The following SLC25A24 variants were observed in gnomAD, a reference collection of about 807,000 sequenced individuals.
SLC25A24 encodes the protein solute carrier family 25 member 24, also known as mitochondrial adenyl nucleotide antiporter SLC25A24.
Under a neutral mutation model 60.7 loss-of-function variants are expected in SLC25A24, and 49 were observed. The observed-to-expected ratio is 0.81, with a 90% CI of 0.64 to 1.02. SLC25A24 has a LOEUF of 1.02. Ranked by LOEUF, SLC25A24 falls within the 50% of genes least tolerant of loss-of-function variation. SLC25A24 has a pLI of 0.00. For missense variants in SLC25A24, 564 were observed against 586.3 expected (o/e 0.96, Z 0.39); for synonymous variants, 202 against 200.6 (o/e 1.01, Z -0.06).
intron 6 of SLC25A24, among the ~76,000 whole-genome samples, chr1:108,152,459 C>G (rs915897693): frequency 2.0e-5 from 3 of 152,108 alleles, no homozygotes; most frequent in Non-Finnish European, 2.9e-5. Context: ...CTCTGCCTCT[C>G]GAGCTCAAGT....
rs576768474 is a variant in SLC25A24 at position 108,168,213 on chromosome 1, T to C, written c.399-6920A>G. 6.6e-5 allele frequency among the ~76,000 whole-genome samples: 10 copies of C among 152,334 alleles called. No individual in the cohort carries two copies. The South Asian group carries it at 2.1e-3, about 32-fold the overall frequency. ...TTTATTTTGACTTGCATATGGGAAA[T>C]TACACTTAAACTTTCATTTGTCCCA... On this transcript the variant is annotated intron_variant, in intron 3 of 9. Coordinates refer to ENST00000565488, the MANE Select transcript of SLC25A24 (RefSeq NM_013386.5).
chr1:108,151,172 G>T (rs887767847), intron 6 of SLC25A24, among the ~76,000 whole-genome samples: 1 of 152,056 alleles, frequency 6.6e-6, no homozygotes, highest in African/African-American at 2.4e-5. Flanking sequence ...CTTTACTCCA[G>T]CCTGGGTGAT....
chr1:108,143,611 A>T lies in SLC25A24; in HGVS notation c.1030T>A (p.Tyr344Asn), dbSNP rs1255263752. 1.2e-6 allele frequency: 2 copies of T among 1,613,638 alleles called. No homozygotes were observed. Among genetic ancestry groups the T allele is most frequent in the Non-Finnish European group, 1.7e-6 (2 of 1,179,694 alleles). Residue 344 changes from tyrosine (Y) to asparagine (N), a missense_variant, in exon 8 of 10, where the codon TAC becomes AAC. Tyr to Asn is a moderately radical substitution (Grantham distance 143, BLOSUM62 -2). Coordinates refer to ENST00000565488, the MANE Select transcript of SLC25A24 (RefSeq NM_013386.5). ...AATAAATTGGGAACATAGCCTTTGT[A>T]AAAAGCTCCCAAGCCTTCATGTTTC... ...ILKHEGLGAF[Y>N]KGYVPNLLGI...
chr1:108,162,040 T>C (rs1285227647), intron 3 of SLC25A24, among the ~76,000 whole-genome samples: 1 of 150,078 alleles, frequency 6.7e-6, no homozygotes, highest in Non-Finnish European at 1.5e-5. Context: ...AGTGAGAATA[T>C]GCGGTGTTTG....
chr1:108,168,214 T>A (rs1647282737), intron 3 of SLC25A24, among the ~76,000 whole-genome samples: 1 of 152,242 alleles, frequency 6.6e-6, no homozygotes, highest in Admixed American at 6.5e-5. Context: ...TATGGGAAAT[T>A]ACACTTAAAC....
At chr1:108,139,027 T>G (rs755123378) in intron 9 of SLC25A24, 31 bp downstream of exon 9, 1 of 1,516,628 alleles carries the variant, frequency 6.6e-7, no homozygotes, top group South Asian at 1.3e-5. Context: ...GCAGCACTTT[T>G]ATCGGTGTGG....
chr1:108,200,122 C>T lies in SLC25A24; in HGVS notation c.17G>A (p.Arg6Gln). The T allele has an allele frequency of 1.9e-6, 3 of 1,556,428 alleles. No individual in the cohort carries two copies. The highest frequency in any genetic ancestry group is 1.2e-5 in the South Asian group (1 of 84,786). MLRWL[R>Q]DFVLPTAACQ... ...GGCCGCGGTGGGCAGCACGAAGTCC[C>T]GCAGCCAGCGCAACATGGTCCCAGA... The change falls in exon 1 of 10, where the codon CGG becomes CAG. Residue 6 changes from arginine to glutamine, a missense_variant. Transcript: ENST00000565488.
intron 8 of SLC25A24, among the ~76,000 whole-genome samples, chr1:108,141,771 AT>A (rs1332462541): frequency 1.3e-5 from 2 of 152,236 alleles, no homozygotes; most frequent in African/African-American, 4.8e-5. Flanking sequence ...GGAAAGAGAA[AT>A]ACCACATGAT....
At chr1:108,180,617 TCTCTCTCTC>T (rs1474890339) in intron 3 of SLC25A24, among the ~76,000 whole-genome samples, 21 of 7,500 alleles carry the variant, frequency 2.8e-3, no homozygotes, top group Non-Finnish European at 5.7e-3. Flanking sequence ...AAGAGAAAGA[TCTCTCTCTC>T]TCTCTCTCTC....
intron 1 of SLC25A24, among the ~76,000 whole-genome samples, chr1:108,195,671 T>G (rs1023104483): frequency 2.6e-4 from 40 of 152,276 alleles, no homozygotes; most frequent in Non-Finnish European, 3.2e-4. Flanking sequence ...CTTAATATTG[T>G]GCCAGAAACC....
At chr1:108,155,217 A>C in intron 5 of SLC25A24, 82 bp from the exon 6 acceptor site, 2 of 1,248,306 alleles carry the variant, frequency 1.6e-6, no homozygotes, top group Non-Finnish European at 2.2e-6. Context: ...AATCTTTTTC[A>C]ATACCCTTTC....
chr1:108,138,341 T>G (rs201535792), intron 9 of SLC25A24, among the ~76,000 whole-genome samples: 2 of 152,126 alleles, frequency 1.3e-5, no homozygotes, highest in East Asian at 3.9e-4. Flanking sequence ...AGGTTGGGAA[T>G]AGAGCTGTAG....
chr1:108,155,079 T>C lies in SLC25A24; in HGVS notation c.726A>G (p.Val242=). ...AAAGCGAGCGGATACCTCCTTCTTT[T>C]ACCATCTGTCGAAAGCCACCAAATA... ...MNIFGGFRQM[V]KEGGIRSLWR... is the part of the protein sequence containing the mutation. The change falls in exon 6 of 10, where the codon GTA becomes GTG. Residue 242 remains valine, a synonymous_variant. Coordinates refer to ENST00000565488, the MANE Select transcript of SLC25A24 (RefSeq NM_013386.5). 3 of 1,612,974 alleles carry C rather than the reference T, an allele frequency of 1.9e-6. No individual in the cohort carries two copies. The highest frequency in any genetic ancestry group is 2.5e-6 in the Non-Finnish European group (3 of 1,179,416).
chr1:108,197,664 G>C (rs1370547079), intron 1 of SLC25A24, among the ~76,000 whole-genome samples: 2 of 152,232 alleles, frequency 1.3e-5, no homozygotes, highest in Non-Finnish European at 2.9e-5. Flanking sequence ...GGGTGTGTCT[G>C]TGAGGATGTC....
At chr1:108,182,916 A>C (rs1362795974) in intron 2 of SLC25A24, among the ~76,000 whole-genome samples, 1 of 152,134 alleles carries the variant, frequency 6.6e-6, no homozygotes, top group African/African-American at 2.4e-5. Flanking sequence ...GAAAATTTTT[A>C]ATACTAGGGA....
chr1:108,155,520 ATT>A (rs1679874625), intron 5 of SLC25A24, among the ~76,000 whole-genome samples: 1 of 151,662 alleles, frequency 6.6e-6, no homozygotes, highest in African/African-American at 2.4e-5. Context: ...AGATAATAAT[ATT>A]ATATTATTAC....
chr1:108,159,249 T>C (rs1679987330), intron 4 of SLC25A24, among the ~76,000 whole-genome samples: 2 of 152,166 alleles, frequency 1.3e-5, no homozygotes. Context: ...ATGCCAGAGA[T>C]AAACATAATC....
rs543925180 is a variant in SLC25A24 at position 108,137,547 on chromosome 1, C to A, written c.1250-710G>T. Reference sequence around the variant, plus strand: ...ATTATTAAAGGCTTTGAAATTCCCACTAACAACTTTGGAACTGACACCGAA... The same window carrying A: ...ATTATTAAAGGCTTTGAAATTCCCAATAACAACTTTGGAACTGACACCGAA... On this transcript the variant is annotated intron_variant, in intron 9 of 9. Transcript: ENST00000565488. Among the ~76,000 whole-genome samples the A allele has an allele frequency of 2.0e-5, 3 of 152,328 alleles. No individual in the cohort carries two copies. In the South Asian group the frequency reaches 6.2e-4, roughly 32 times the overall value.
At chr1:108,139,311 G>T in intron 8 of SLC25A24, 103 bp from the exon 9 acceptor site, 2 of 1,222,922 alleles carry the variant, frequency 1.6e-6, no homozygotes, top group Non-Finnish European at 1.1e-6. Flanking sequence ...GTTTCTGCAG[G>T]ATGAGGCCAC....
Sources: allele counts gnomAD v4.1 joint callset (sites outside exome capture counted in the v4.1 genomes callset), GRCh38; gene constraint gnomAD v4.1.1; transcripts MANE v1.5; gene names NCBI Gene and HGNC (gene_info 2026-07-23, HGNC 2026-07-21).